RUNX1: variants seen among roughly 807,000 people sequenced by gnomAD.
RUNX1 encodes RUNX family transcription factor 1, also known as runt-related transcription factor 1.
In RUNX1, 19 loss-of-function variants were observed where a neutral mutation model predicts 42.8. The ratio of observed to expected loss-of-function variants is 0.44; its 90% CI spans 0.31 to 0.65. The LOEUF (loss-of-function observed/expected upper bound fraction) is 0.65, where lower values mean the gene tolerates loss of function less well. Ranked by LOEUF, RUNX1 falls within the 30% of genes least tolerant of loss-of-function variation. The probability of loss-of-function intolerance (pLI) is 0.07; values close to 1 mark genes in which losing one functional copy is unlikely to be tolerated. For synonymous variants in RUNX1, 271 were observed against 289.4 expected (o/e 0.94, Z 0.64); for missense variants, 528 against 672.0 (o/e 0.79, Z 2.37).
intron 2 of RUNX1, among the ~76,000 whole-genome samples, chr21:34,977,688 G>T (rs2058813316): frequency 6.6e-6 from 1 of 152,284 alleles, no homozygotes. Flanking sequence ...ACTTTTAGAA[G>T]TTACTTCTAC....
chr21:34,795,979 C>T (rs545867615), intron 8 of RUNX1, among the ~76,000 whole-genome samples: 6 of 152,324 alleles, frequency 3.9e-5, no homozygotes, highest in African/African-American at 1.4e-4. Flanking sequence ...GGTGAATCCA[C>T]TGGAAAATGA....
rs186678371 is a variant in RUNX1, at chr21:34,852,689, A to G, written c.613+6785T>C. ...CACGACAGCATTTTCCTCCTCTTTG[A>G]GCCTCTGCCTTGCTCCTGCTTTAGG... On this transcript the variant is annotated intron_variant, in intron 6 of 8. Transcript: ENST00000675419. Among the ~76,000 whole-genome samples the G allele has an allele frequency of 2.7e-3, 409 of 152,262 alleles. 2 individuals are homozygous for G. The highest frequency in any genetic ancestry group is 4.5e-3 in the Non-Finnish European group (307 of 68,024).
chr21:35,014,224 T>G (rs1405838187), intron 2 of RUNX1, among the ~76,000 whole-genome samples: 1 of 152,228 alleles, frequency 6.6e-6, no homozygotes, highest in African/African-American at 2.4e-5. Context: ...ATTGGATTTT[T>G]TAAGGAAATG....
intron 5 of RUNX1, among the ~76,000 whole-genome samples, chr21:34,871,880 G>A (rs569004859): frequency 6.8e-6 from 1 of 147,548 alleles, no homozygotes; most frequent in East Asian, 2.0e-4. Flanking sequence ...GTCTTGCTCT[G>A]TCACCCAGGC....
At chr21:34,919,296 G>A (rs2058336099) in intron 2 of RUNX1, among the ~76,000 whole-genome samples, 2 of 152,184 alleles carry the variant, frequency 1.3e-5, no homozygotes, top group South Asian at 4.1e-4. Flanking sequence ...TGACCATGGA[G>A]AGAAGGGACT....
rs1209354842 is a variant in RUNX1 at position 34,788,302 on chromosome 21, A to AT, written c.*3832dup. ...TACCGTCATTTCAATTTGAAAGTTT[A>AT]TTTTTTTCCATTGATTTTTATACAT... On this transcript the variant is annotated 3_prime_UTR_variant, in exon 9 of 9. Transcript: ENST00000675419. 4.3e-6 allele frequency: 1 copy of AT among 233,386 alleles called. No homozygotes were observed. Among genetic ancestry groups the AT allele is most frequent in the Non-Finnish European group, 8.5e-6 (1 of 117,984 alleles). 14.5% of individuals were successfully genotyped at this position (233,386 alleles called of 1,614,324 possible).
chr21:34,979,014 T>C (rs2058826090), intron 2 of RUNX1, among the ~76,000 whole-genome samples: 1 of 150,294 alleles, frequency 6.7e-6, no homozygotes, highest in Non-Finnish European at 1.5e-5. Flanking sequence ...GGTAGGTTCT[T>C]ATGAGACAGA....
chr21:35,010,202 T>A (rs1207043701), intron 2 of RUNX1, among the ~76,000 whole-genome samples: 1 of 152,196 alleles, frequency 6.6e-6, no homozygotes, highest in Non-Finnish European at 1.5e-5. Flanking sequence ...GGTGTTTTTT[T>A]TTCCTCCCTA....
At chr21:34,878,951 A>G (rs577755905) in intron 5 of RUNX1, among the ~76,000 whole-genome samples, 1 of 152,354 alleles carries the variant, frequency 6.6e-6, no homozygotes, top group South Asian at 2.1e-4. Context: ...ACAGATGCAT[A>G]GTATGATGAT....
rs1301542804 is a variant in RUNX1, at chr21:34,792,954, C to T, written c.968-344G>A. On this transcript the variant is annotated intron_variant, in intron 8 of 8. Coordinates refer to ENST00000675419, the MANE Select transcript of RUNX1 (RefSeq NM_001754.5). The surrounding 1 kb of genome is among the most constrained non-coding windows in gnomAD (Gnocchi z 6.9). Reference sequence around the variant, plus strand: ...CTCAGGATGCCACCTCCTGAGAGGACGGAGACCACCCAGGATGACACCACC... The same window carrying T: ...CTCAGGATGCCACCTCCTGAGAGGATGGAGACCACCCAGGATGACACCACC... 3.5e-5 allele frequency among the ~76,000 whole-genome samples: 5 copies of T among 141,384 alleles called. No homozygotes were observed. Among genetic ancestry groups the T allele is most frequent in the Admixed American group, 7.0e-5 (1 of 14,300 alleles). 92.8% of individuals were successfully genotyped at this position (141,384 alleles called of 152,430 possible).
chr21:35,030,784 A>G (rs2059267436), intron 2 of RUNX1, among the ~76,000 whole-genome samples: 1 of 152,244 alleles, frequency 6.6e-6, no homozygotes, highest in Non-Finnish European at 1.5e-5. Flanking sequence ...GAATAAAGAC[A>G]AAACCTACAG....
chr21:34,802,898 A>G (rs138208925), intron 7 of RUNX1, among the ~76,000 whole-genome samples: 3,323 of 152,312 alleles, frequency 0.022, 51 homozygotes, highest in African/African-American at 0.047. Context: ...GGGTAATAGG[A>G]GTAAGTGAGA....
At chr21:34,828,782 C>CT (rs11415979) in intron 7 of RUNX1, among the ~76,000 whole-genome samples, 7,303 of 152,236 alleles carry the variant, frequency 0.048, 467 homozygotes, top group African/African-American at 0.14. Flanking sequence ...CAGATGCTCT[C>CT]TGCCCTTCCA....
At chr21:34,876,308 C>T (rs774518911) in intron 5 of RUNX1, among the ~76,000 whole-genome samples, 30 of 152,160 alleles carry the variant, frequency 2.0e-4, no homozygotes, top group African/African-American at 6.5e-4. Context: ...CAGACCCCGG[C>T]GATAACAAAA....
intron 2 of RUNX1, among the ~76,000 whole-genome samples, chr21:34,933,948 C>T (rs1261470491): frequency 1.3e-5 from 2 of 152,168 alleles, no homozygotes; most frequent in Non-Finnish European, 2.9e-5. Flanking sequence ...GCTTGGATTT[C>T]CCAGTGGCTA....
At chr21:34,813,421 C>T (rs1601376298) in intron 7 of RUNX1, among the ~76,000 whole-genome samples, 1 of 152,164 alleles carries the variant, frequency 6.6e-6, no homozygotes, top group South Asian at 2.1e-4. Context: ...CCCCTGGGCA[C>T]AGTACAAATG....
chr21:35,000,221 T>A (rs1230240581), intron 2 of RUNX1, among the ~76,000 whole-genome samples: 1 of 150,912 alleles, frequency 6.6e-6, no homozygotes, highest in Non-Finnish European at 1.5e-5. Context: ...GACGATCATA[T>A]AATTTTCTTT....
intron 2 of RUNX1, among the ~76,000 whole-genome samples, chr21:34,894,039 C>T (rs2058109175): frequency 6.6e-6 from 1 of 151,624 alleles, no homozygotes; most frequent in African/African-American, 2.4e-5. Flanking sequence ...TCCATGAAGA[C>T]TTTTCTTTTT....
chr21:34,851,245 G>A (rs965698499), intron 6 of RUNX1, among the ~76,000 whole-genome samples: 1 of 152,242 alleles, frequency 6.6e-6, no homozygotes, highest in Admixed American at 6.5e-5. Flanking sequence ...TACCACCTGA[G>A]TGCATGTGGA....
Sources: gnomAD v4.1 joint callset for allele counts (sites outside exome capture counted in the v4.1 genomes callset) on GRCh38, gnomAD v4.1.1 for gene constraint, Gnocchi (gnomAD v3.1) non-coding constraint, MANE v1.5 for transcripts, NCBI Gene and HGNC (gene_info 2026-07-23, HGNC 2026-07-21) for gene names.